SIPA1L1: variants seen among roughly 807,000 people sequenced by gnomAD.
The protein encoded by SIPA1L1 is signal-induced proliferation-associated 1-like protein 1.
In SIPA1L1, 26 loss-of-function variants were observed where a neutral mutation model predicts 162.7. The observed-to-expected ratio is 0.16, with a 90% CI of 0.12 to 0.22. The LOEUF (loss-of-function observed/expected upper bound fraction) is 0.22. SIPA1L1 is among the 10% of genes least tolerant of loss of function. SIPA1L1 has a pLI of 1.00. For missense variants in SIPA1L1, 1,874 were observed against 2,241.0 expected, an observed-to-expected ratio of 0.84 and a Z score of 3.31; for synonymous variants, 829 against 837.4, an observed-to-expected ratio of 0.99 and a Z score of 0.17.
chr14:71,372,367 T>C (rs946395312), intron 2 of SIPA1L1, among the ~76,000 whole-genome samples: 4 of 152,186 alleles, frequency 2.6e-5, no homozygotes, highest in Admixed American at 2.6e-4. Flanking sequence ...TTAATTTACT[T>C]GAATAGACTC....
At chr14:71,537,634 C>T (rs1453583088) in intron 4 of SIPA1L1, among the ~76,000 whole-genome samples, 2 of 152,008 alleles carry the variant, frequency 1.3e-5, no homozygotes, top group Non-Finnish European at 2.9e-5. Context: ...CTTCTCATTC[C>T]TTCAGTGTGG....
chr14:71,425,061 A>G (rs1210763585), intron 2 of SIPA1L1, among the ~76,000 whole-genome samples: 3 of 151,806 alleles, frequency 2.0e-5, no homozygotes, highest in Non-Finnish European at 4.4e-5. Flanking sequence ...TTCATAGTGC[A>G]CTCTTATAAG....
chr14:71,408,093 C>T (rs1397337356), intron 2 of SIPA1L1, among the ~76,000 whole-genome samples: 1 of 152,116 alleles, frequency 6.6e-6, no homozygotes, highest in Non-Finnish European at 1.5e-5. Context: ...GATACCTCTA[C>T]CAGAAATGCA....
chr14:71,666,614 T>C, intron 10 of SIPA1L1, among the ~76,000 whole-genome samples: 1 of 152,156 alleles, frequency 6.6e-6, no homozygotes, highest in East Asian at 1.9e-4. Flanking sequence ...TAGGTATGTT[T>C]AGGAAGGTAG....
rs745683154 is a variant in SIPA1L1, at chr14:71,671,122, G to C, written c.2259G>C (p.Val753=). Reference sequence around the variant, plus strand: ...CTCTTTGATCTTTGTCTCTCAGTGTGGCTGTTACCAGGTCCAGAGATGTGC... The same window carrying C: ...CTCTTTGATCTTTGTCTCTCAGTGTCGCTGTTACCAGGTCCAGAGATGTGC... ...NPCSDSVCYS[V]AVTRSRDVPS... is the part of the protein sequence containing the mutation. Residue 753 remains valine, a synonymous_variant, in exon 11 of 24, where the codon GTG becomes GTC. Transcript: ENST00000381232. The C allele has an allele frequency of 3.1e-6, 5 of 1,596,320 alleles. No homozygotes were observed. The highest frequency in any genetic ancestry group is 4.3e-6 in the Non-Finnish European group (5 of 1,169,782).
At chr14:71,389,295 G>A (rs2040568982) in intron 2 of SIPA1L1, among the ~76,000 whole-genome samples, 1 of 152,174 alleles carries the variant, frequency 6.6e-6, no homozygotes, top group Non-Finnish European at 1.5e-5. Flanking sequence ...AGAAAAATGA[G>A]TTGTACAAGG....
intron 4 of SIPA1L1, among the ~76,000 whole-genome samples, chr14:71,575,832 A>T (rs1567230151): frequency 1.3e-5 from 2 of 152,194 alleles, no homozygotes; most frequent in Admixed American, 6.5e-5. Context: ...TGAGAAGGTC[A>T]AACCCACTAT....
At chr14:71,412,783 T>C (rs1177984589) in intron 2 of SIPA1L1, among the ~76,000 whole-genome samples, 2 of 152,248 alleles carry the variant, frequency 1.3e-5, no homozygotes, top group African/African-American at 4.8e-5. Flanking sequence ...GAAATAGTGT[T>C]TAAAATTATT....
At chr14:71,556,576 A>C (rs2056372823) in intron 4 of SIPA1L1, among the ~76,000 whole-genome samples, 1 of 152,260 alleles carries the variant, frequency 6.6e-6, no homozygotes, top group Non-Finnish European at 1.5e-5. Flanking sequence ...TACAGAACTC[A>C]GGGAAACATG....
At position 71,678,145 on chromosome 14, in the gene SIPA1L1, C is replaced by T. The variant is rs1311557911; in HGVS notation, c.3104+5523C>T. 2.6e-5 allele frequency among the ~76,000 whole-genome samples: 4 copies of T among 152,272 alleles called. No individual in the cohort carries two copies. In the East Asian group the frequency reaches 5.8e-4, roughly 22 times the overall value. On this transcript the variant is annotated intron_variant, in intron 12 of 23. Coordinates refer to ENST00000381232, the MANE Select transcript of SIPA1L1 (RefSeq NM_001386936.1). The stretch of plus-strand genomic sequence containing the variant: ...AATACCCTTTATTTCTTTCTCCTGC[C>T]TGATTGCCCCGGCCAGAACTTCCAA...
rs562216709 is a variant in SIPA1L1, at chr14:71,357,209, G to A, written c.-465+36028G>A. ...CGAGTAGCTGGGACTGTGTGTCACC[G>A]TGCTTGGCTAATGTTATAATTTTTA... On this transcript the variant is annotated intron_variant, in intron 2 of 23. Transcript: ENST00000381232. 3.9e-5 allele frequency among the ~76,000 whole-genome samples: 6 copies of A among 152,124 alleles called. No homozygotes were observed. In the South Asian group the frequency reaches 1.2e-3, roughly 32 times the overall value.
At chr14:71,453,556 G>A (rs1374189937) in intron 2 of SIPA1L1, among the ~76,000 whole-genome samples, 1 of 152,226 alleles carries the variant, frequency 6.6e-6, no homozygotes, top group African/African-American at 2.4e-5. Context: ...AAGTGCATTT[G>A]AGACTTAAGT....
chr14:71,378,517 A>G (rs2039615221), intron 2 of SIPA1L1, among the ~76,000 whole-genome samples: 2 of 152,176 alleles, frequency 1.3e-5, no homozygotes, highest in African/African-American at 4.8e-5. Context: ...GTCAGAGAAT[A>G]TTTGTGGAAT....
At chr14:71,333,813 G>A (rs1255541652) in intron 2 of SIPA1L1, among the ~76,000 whole-genome samples, 4 of 152,186 alleles carry the variant, frequency 2.6e-5, no homozygotes, top group African/African-American at 9.7e-5. Flanking sequence ...ATGGGGAGGA[G>A]TGCAAAGGTG....
chr14:71,735,041 A>AG lies in SIPA1L1; in HGVS notation c.5009-230dup, dbSNP rs775837473. Among the ~76,000 whole-genome samples, 5 of 152,322 alleles carry AG rather than the reference A, an allele frequency of 3.3e-5. No homozygotes were observed. In the East Asian group the frequency reaches 7.7e-4, roughly 23 times the overall value. ...AATGCTACAGTGATGAGCAGGGAAG[A>AG]GGGGGGACTAGAAATTGACTCACAA... is the stretch of plus-strand genomic sequence containing the variant. On this transcript the variant is annotated intron_variant, in intron 21 of 23. Transcript: ENST00000381232.
intron 23 of SIPA1L1, among the ~76,000 whole-genome samples, chr14:71,738,817 A>G (rs371291087): frequency 6.6e-6 from 1 of 152,218 alleles, no homozygotes; most frequent in East Asian, 1.9e-4. Flanking sequence ...CTAATCCTGC[A>G]GGGTTGAATC....
chr14:71,531,347 G>C (rs1392251635), intron 4 of SIPA1L1, among the ~76,000 whole-genome samples: 3 of 136,734 alleles, frequency 2.2e-5, no homozygotes, highest in Non-Finnish European at 4.7e-5. Flanking sequence ...ATGTTACTTT[G>C]TACTGGTAGC....
chr14:71,553,480 C>G (rs931824004), intron 4 of SIPA1L1, among the ~76,000 whole-genome samples: 1 of 152,222 alleles, frequency 6.6e-6, no homozygotes, highest in African/African-American at 2.4e-5. Context: ...CCTCTCTTCT[C>G]TTCCTCCTTA....
intron 2 of SIPA1L1, among the ~76,000 whole-genome samples, chr14:71,356,583 A>AAAAAAAAAAAAAAAAC (rs2037283047): frequency 6.9e-6 from 1 of 145,686 alleles, no homozygotes; most frequent in African/African-American, 2.5e-5. Flanking sequence ...AAAAAAAAAA[A>AAAAAAAAAAAAAAAAC]AAAAGCACAC....
Sources: gnomAD v4.1 joint callset for allele counts (sites outside exome capture counted in the v4.1 genomes callset) on GRCh38, gnomAD v4.1.1 for gene constraint, MANE v1.5 for transcripts, NCBI Gene and HGNC (gene_info 2026-07-23, HGNC 2026-07-21) for gene names.